ARHGEF28: variants seen among roughly 807,000 people sequenced by gnomAD.
The protein encoded by ARHGEF28 is 190 kDa guanine nucleotide exchange factor.
ARHGEF28 carries 152 observed loss-of-function variants against 206.6 expected under a neutral mutation model. The ratio of observed to expected loss-of-function variants is 0.74; its 90% CI spans 0.64 to 0.84. The LOEUF is 0.84. ARHGEF28 is among the 40% of genes least tolerant of loss of function. The pLI, the probability that ARHGEF28 is intolerant of heterozygous loss-of-function variation, is 0.00. For synonymous variants in ARHGEF28, 763 were observed against 776.4 expected (o/e 0.98, Z 0.29); for missense variants, 2,028 against 2,073.2 (o/e 0.98, Z 0.42).
At chr5:73,894,967 G>A (rs1017744971) in intron 29 of ARHGEF28, among the ~76,000 whole-genome samples, 6 of 152,140 alleles carry the variant, frequency 3.9e-5, no homozygotes, top group Non-Finnish European at 8.8e-5. Flanking sequence ...GTGCATGGAA[G>A]TGCCAGGCTC....
intron 1 of ARHGEF28, among the ~76,000 whole-genome samples, chr5:73,659,647 G>T (rs968116211): frequency 6.6e-6 from 1 of 152,106 alleles, no homozygotes; most frequent in Non-Finnish European, 1.5e-5. Context: ...TACTGATTAA[G>T]TAATGACCTT....
At chr5:73,878,182 C>T (rs1264259600) in intron 22 of ARHGEF28, among the ~76,000 whole-genome samples, 10 of 150,910 alleles carry the variant, frequency 6.6e-5, no homozygotes, top group Non-Finnish European at 1.3e-4. Flanking sequence ...TATGTAATGG[C>T]CTTCTTTGTC....
At chr5:73,776,484 C>T (rs767166406) in intron 5 of ARHGEF28, 32 bp from the exon 6 acceptor site, 7 of 1,582,774 alleles carry the variant, frequency 4.4e-6, no homozygotes, top group East Asian at 2.2e-5. Flanking sequence ...GTCTTTGAAG[C>T]TCTGTGTGGG....
intron 1 of ARHGEF28, among the ~76,000 whole-genome samples, chr5:73,641,895 A>C (rs962976364): frequency 3.9e-5 from 6 of 152,214 alleles, no homozygotes; most frequent in Middle Eastern, 3.2e-3. Context: ...CTTGTTAGGC[A>C]CTGTGCTTGG....
intron 21 of ARHGEF28, 31 bp downstream of exon 21, chr5:73,870,240 A>T (rs766452628): frequency 1.2e-6 from 2 of 1,600,374 alleles, no homozygotes; most frequent in Admixed American, 3.5e-5. Context: ...CTTTGGGTTG[A>T]AGCAGTGCGG....
intron 14 of ARHGEF28, among the ~76,000 whole-genome samples, chr5:73,855,829 G>T (rs777584912): frequency 1.3e-5 from 2 of 152,264 alleles, no homozygotes; most frequent in African/African-American, 4.8e-5. Flanking sequence ...GGAAACTGTC[G>T]TTTTTTATAT....
chr5:73,882,003 T>G (rs1340428112), intron 22 of ARHGEF28, among the ~76,000 whole-genome samples: 1 of 152,182 alleles, frequency 6.6e-6, no homozygotes, highest in African/African-American at 2.4e-5. Flanking sequence ...ATGGACATGG[T>G]CATTAGCCAG....
At chr5:73,691,288 C>T (rs887404700) in intron 2 of ARHGEF28, among the ~76,000 whole-genome samples, 9 of 99,330 alleles carry the variant, frequency 9.1e-5, no homozygotes, top group African/African-American at 3.5e-4. Flanking sequence ...ATTTGTTTGG[C>T]AAATGTGTAC....
intron 35 of ARHGEF28, among the ~76,000 whole-genome samples, chr5:73,937,356 G>GA (rs1288602350): frequency 2.0e-5 from 3 of 152,212 alleles, no homozygotes; most frequent in African/African-American, 7.2e-5. Flanking sequence ...TAATGTAGCA[G>GA]AAAAAACTCT....
chr5:73,704,017 CT>C (rs1238521219), intron 2 of ARHGEF28, among the ~76,000 whole-genome samples: 2 of 95,536 alleles, frequency 2.1e-5, no homozygotes, highest in Non-Finnish European at 2.0e-5. Flanking sequence ...GAGTGAGACT[CT>C]GTCTAAAAAA....
rs60086897 is a variant in ARHGEF28, at chr5:73,910,381, CAAAAAA to C, written c.4647+504_4647+509del. Among the ~76,000 whole-genome samples the C allele has an allele frequency of 1.9e-4, 6 of 31,002 alleles. No individual in the cohort carries two copies. The South Asian group carries it at 0.01, about 52-fold the overall frequency. 20.3% of individuals were successfully genotyped at this position (31,002 alleles called of 152,430 possible). On this transcript the variant is annotated intron_variant, in intron 34 of 35. Coordinates refer to ENST00000513042, the MANE Select transcript of ARHGEF28 (RefSeq NM_001177693.2). ...GGGTGACAAAAGTAAAACACCATCT[CAAAAAA>C]AAAAAAAAAAAAAAAAAAAGGACAA...
intron 2 of ARHGEF28, among the ~76,000 whole-genome samples, chr5:73,692,775 G>T (rs1337863993): frequency 6.6e-6 from 1 of 152,226 alleles, no homozygotes; most frequent in African/African-American, 2.4e-5. Context: ...GCTTCTTATT[G>T]AGGTAGTAAG....
At position 73,873,059 on chromosome 5, in the gene ARHGEF28, G is replaced by C; in HGVS notation, c.2627G>C (p.Arg876Thr). 6.2e-7 allele frequency: 1 copy of C among 1,613,642 alleles called. No homozygotes were observed. The highest frequency in any genetic ancestry group is 8.5e-7 in the Non-Finnish European group (1 of 1,179,746). ...QTLFIMSEIFRKGMKEELQLD... is the reference protein window; with the variant it reads ...QTLFIMSEIFTKGMKEELQLD... ...CTGTTCATCATGTCTGAGATCTTCA[G>C]GAAAGGCATGAAAGAGGAGCTGCAG... The change falls in exon 22 of 36, where the codon AGG (arginine) becomes ACG (threonine). Residue 876 changes from arginine to threonine, a missense_variant. Arg to Thr is a moderately conservative substitution (Grantham distance 71, BLOSUM62 -1). Around this residue, in one of 3 missense-constraint regions of ARHGEF28, gnomAD observed 223 missense variants for 289.9 expected, o/e 0.77. Transcript: ENST00000513042.
At chr5:73,827,416 CTAA>C (rs1482322847) in intron 9 of ARHGEF28, among the ~76,000 whole-genome samples, 1 of 152,180 alleles carries the variant, frequency 6.6e-6, no homozygotes, top group Non-Finnish European at 1.5e-5. Context: ...GGAAGCATAA[CTAA>C]TAAAGAATTT....
intron 2 of ARHGEF28, among the ~76,000 whole-genome samples, chr5:73,740,819 C>T (rs1751336819): frequency 6.6e-6 from 1 of 152,172 alleles, no homozygotes; most frequent in African/African-American, 2.4e-5. Flanking sequence ...ACCATACTCA[C>T]TCTTAATGGA....
intron 2 of ARHGEF28, among the ~76,000 whole-genome samples, chr5:73,733,756 T>C (rs944307747): frequency 3.3e-5 from 5 of 152,048 alleles, no homozygotes; most frequent in Non-Finnish European, 7.4e-5. Flanking sequence ...AGAAATGAGA[T>C]GAGGCGTGAA....
At chr5:73,856,730 C>A (rs1759065144) in intron 14 of ARHGEF28, among the ~76,000 whole-genome samples, 1 of 151,708 alleles carries the variant, frequency 6.6e-6, no homozygotes, top group Admixed American at 6.6e-5. Context: ...TAAATACTTC[C>A]CAGAGATAAA....
At position 73,900,936 on chromosome 5, in the gene ARHGEF28, G is replaced by A. The variant is rs3749641; in HGVS notation, c.3974-248G>A. ...GAACACTTCAGTGCAAGAAAGAAAAGTACAAAGATGGTGATACTTTGTGCG... is the reference window on the plus strand; with the variant it reads ...GAACACTTCAGTGCAAGAAAGAAAAATACAAAGATGGTGATACTTTGTGCG... On this transcript the variant is annotated intron_variant, in intron 30 of 35. Coordinates refer to ENST00000513042, the MANE Select transcript of ARHGEF28 (RefSeq NM_001177693.2). 159,009 of 367,022 alleles carry A rather than the reference G, an allele frequency of 0.43. 35,907 individuals carry two copies. The highest frequency in any genetic ancestry group is 0.61 in the African/African-American group (29,726 of 48,494). 22.7% of individuals were successfully genotyped at this position (367,022 alleles called of 1,614,324 possible). A position where few individuals can be genotyped will look rare whatever the true frequency, so the allele number is the denominator to read the frequency against.
chr5:73,867,495 C>A (rs1759784360), intron 18 of ARHGEF28, among the ~76,000 whole-genome samples: 2 of 152,180 alleles, frequency 1.3e-5, no homozygotes, highest in Admixed American at 6.5e-5. Flanking sequence ...TTTATACACA[C>A]AATATGCATT....
Sources: allele counts gnomAD v4.1 joint callset (sites outside exome capture counted in the v4.1 genomes callset), GRCh38; gene constraint gnomAD v4.1.1; regional missense constraint gnomAD v4.1.1; transcripts MANE v1.5; gene names NCBI Gene and HGNC (gene_info 2026-07-23, HGNC 2026-07-21).